The following OLA1 variants were observed in gnomAD, a reference collection of about 807,000 sequenced individuals.
OLA1 encodes the protein Obg like ATPase 1.
OLA1 carries 14 observed loss-of-function variants against 48.4 expected under a neutral mutation model. That is an observed-to-expected ratio of 0.29 (90% CI 0.19 to 0.45). OLA1 has a LOEUF of 0.45. OLA1 is among the 20% of genes least tolerant of loss of function. The pLI, the probability that OLA1 is intolerant of heterozygous loss-of-function variation, is 1.00. For missense variants in OLA1, 325 were observed against 467.1 expected, an observed-to-expected ratio of 0.70 and a Z score of 2.80; for synonymous variants, 127 against 150.4, an observed-to-expected ratio of 0.84 and a Z score of 1.14.
intron 4 of OLA1, among the ~76,000 whole-genome samples, chr2:174,185,076 G>A (rs562006696): frequency 3.4e-4 from 51 of 152,200 alleles, no homozygotes; most frequent in African/African-American, 8.7e-4. Flanking sequence ...GCAGATCCCC[G>A]TTCCTTGTAG....
At chr2:174,246,959 T>G (rs781444948) in intron 1 of OLA1, 144 bp from the exon 2 acceptor site, 24 of 460,900 alleles carry the variant, frequency 5.2e-5, no homozygotes, top group Non-Finnish European at 8.9e-5. Context: ...AACACAGAGC[T>G]AAATCCACTT....
intron 4 of OLA1, among the ~76,000 whole-genome samples, chr2:174,166,091 C>A (rs1360810085): frequency 6.6e-6 from 1 of 150,530 alleles, no homozygotes; most frequent in Non-Finnish European, 1.5e-5. Flanking sequence ...TGCCACTGCA[C>A]TCCAGCCTGG....
At chr2:174,210,611 T>C (rs1688219870) in intron 4 of OLA1, among the ~76,000 whole-genome samples, 1 of 152,184 alleles carries the variant, frequency 6.6e-6, no homozygotes, top group South Asian at 2.1e-4. Flanking sequence ...CCCTCATTTT[T>C]TCTAAAACAC....
intron 2 of OLA1, among the ~76,000 whole-genome samples, chr2:174,243,691 T>C (rs1689061064): frequency 1.3e-5 from 2 of 152,186 alleles, no homozygotes; most frequent in South Asian, 4.1e-4. Flanking sequence ...GTCAAACCAC[T>C]TATTAAATTA....
At chr2:174,213,431 A>G (rs1688288765) in intron 4 of OLA1, among the ~76,000 whole-genome samples, 1 of 152,206 alleles carries the variant, frequency 6.6e-6, no homozygotes, top group South Asian at 2.1e-4. Context: ...TGTAACTTCA[A>G]AACTTCTAAC....
intron 7 of OLA1, among the ~76,000 whole-genome samples, chr2:174,102,310 T>A (rs1252857532): frequency 6.6e-6 from 1 of 151,948 alleles, no homozygotes; most frequent in Non-Finnish European, 1.5e-5. Context: ...AAGCTACAGC[T>A]GAGGCATAAG....
chr2:174,153,861 C>A (rs1344719297), intron 4 of OLA1, among the ~76,000 whole-genome samples: 1 of 152,076 alleles, frequency 6.6e-6, no homozygotes, highest in East Asian at 1.9e-4. Flanking sequence ...GCAAAATTAA[C>A]CAATGTTATT....
chr2:174,079,231 A>G (rs904862915), intron 9 of OLA1, 141 bp from the exon 10 acceptor site: 1 of 581,626 alleles, frequency 1.7e-6, no homozygotes. Flanking sequence ...TATAATTAGT[A>G]CATTTTCAAC....
intron 5 of OLA1, among the ~76,000 whole-genome samples, chr2:174,136,339 T>G (rs1292917527): frequency 6.6e-6 from 1 of 152,220 alleles, no homozygotes; most frequent in East Asian, 1.9e-4. Flanking sequence ...ACCAACTAAG[T>G]GTATGTGATA....
chr2:174,128,021 T>C (rs879616827), intron 5 of OLA1, among the ~76,000 whole-genome samples: 2 of 151,750 alleles, frequency 1.3e-5, no homozygotes, highest in Admixed American at 6.6e-5. Context: ...CTTGTCCTAC[T>C]AGATATTAAA....
chr2:174,192,408 T>C (rs995264191), intron 4 of OLA1, among the ~76,000 whole-genome samples: 3 of 152,212 alleles, frequency 2.0e-5, no homozygotes, highest in South Asian at 2.1e-4. Context: ...CATTTTAATT[T>C]TGAATTTTTA....
intron 2 of OLA1, among the ~76,000 whole-genome samples, chr2:174,246,363 C>A (rs112197553): frequency 6.6e-6 from 1 of 151,978 alleles, no homozygotes; most frequent in Non-Finnish European, 1.5e-5. Flanking sequence ...TCAGAACTTT[C>A]AGATTTAGAC....
intron 4 of OLA1, among the ~76,000 whole-genome samples, chr2:174,179,866 C>T (rs1250670610): frequency 6.6e-6 from 1 of 152,012 alleles, no homozygotes; most frequent in Non-Finnish European, 1.5e-5. Flanking sequence ...CAACTTTTCA[C>T]TTGCAAGTCA....
chr2:174,198,637 C>T (rs547642484), intron 4 of OLA1, among the ~76,000 whole-genome samples: 38 of 152,102 alleles, frequency 2.5e-4, no homozygotes, highest in African/African-American at 8.2e-4. Context: ...ATAAATTAGC[C>T]GGGTATGGCA....
At chr2:174,089,377 A>G (rs1171503458) in intron 7 of OLA1, among the ~76,000 whole-genome samples, 1 of 152,204 alleles carries the variant, frequency 6.6e-6, no homozygotes, top group Non-Finnish European at 1.5e-5. Flanking sequence ...TGAGATAACT[A>G]TGCAGACCAA....
intron 2 of OLA1, among the ~76,000 whole-genome samples, chr2:174,242,611 T>C (rs1002451565): frequency 6.6e-6 from 1 of 152,144 alleles, no homozygotes; most frequent in African/African-American, 2.4e-5. Flanking sequence ...TACCAAGCTA[T>C]GACTGCAAAA....
chr2:174,172,872 C>T (rs1687340568), intron 4 of OLA1: 3 of 152,402 alleles, frequency 2.0e-5, no homozygotes, highest in Admixed American at 2.0e-4. Context: ...GTGCTGTCCT[C>T]ACCATAAGGA....
chr2:174,144,951 AATATATAT>A lies in OLA1; in HGVS notation c.374-2959_374-2952del, dbSNP rs71021672. On this transcript the variant is annotated intron_variant, in intron 4 of 10. Coordinates refer to ENST00000284719, the MANE Select transcript of OLA1 (RefSeq NM_013341.5). Reference sequence around the variant, plus strand: ...TGTTTAAAAAAAAAAAAAAAAAAAAAATATATATATATATATATATATATATATATAAT... The same window carrying A: ...TGTTTAAAAAAAAAAAAAAAAAAAAAATATATATATATATATATATATAAT... Among the ~76,000 whole-genome samples, 131 of 40,278 alleles carry A rather than the reference AATATATAT, an allele frequency of 3.3e-3. 1 individual carries two copies. The highest frequency in any genetic ancestry group is 6.9e-3 in the South Asian group (4 of 580). 26.4% of individuals were successfully genotyped at this position (40,278 alleles called of 152,430 possible).
chr2:174,144,951 A>AAAAAAATATATATATAT (rs1181030817), intron 4 of OLA1, among the ~76,000 whole-genome samples: 1 of 40,296 alleles, frequency 2.5e-5, no homozygotes, highest in African/African-American at 1.0e-4. Flanking sequence ...AAAAAAAAAA[A>AAAAAAATATATATATAT]ATATATATAT....
Sources: allele counts gnomAD v4.1 joint callset (sites outside exome capture counted in the v4.1 genomes callset), GRCh38; gene constraint gnomAD v4.1.1; transcripts MANE v1.5; gene names NCBI Gene and HGNC (gene_info 2026-07-23, HGNC 2026-07-21).